The following COL4A5 variants were observed in gnomAD, a reference collection of about 807,000 sequenced individuals.
COL4A5 encodes collagen alpha-5(IV) chain.
Under a neutral mutation model 130.2 loss-of-function variants are expected in COL4A5, and 26 were observed. The ratio of observed to expected loss-of-function variants is 0.20; its 90% CI spans 0.15 to 0.28. The LOEUF (loss-of-function observed/expected upper bound fraction) is 0.28, where lower values mean the gene tolerates loss of function less well. Among genes scored for constraint, COL4A5 ranks in the 10% least tolerant of loss-of-function variants. The pLI is 1.00. For missense variants in COL4A5, 1,131 were observed against 1,344.3 expected, an observed-to-expected ratio of 0.84 and a Z score of 2.48; for synonymous variants, 496 against 439.6, an observed-to-expected ratio of 1.13 and a Z score of -1.60.
At chrX:108,516,900 C>T (rs924072537) in intron 1 of COL4A5, among the ~76,000 whole-genome samples, 3 of 111,414 alleles carry the variant, frequency 2.7e-5, no homozygotes, top group African/African-American at 6.5e-5. Context: ...TGTTAGCCTA[C>T]GGTGCTATTC....
chrX:108,555,750 G>A (rs1415182586), intron 2 of COL4A5, among the ~76,000 whole-genome samples: 1 of 111,477 alleles, frequency 9.0e-6, no homozygotes, highest in South Asian at 3.7e-4. Flanking sequence ...TCCTGAAGAT[G>A]GTAACACTTT....
chrX:108,609,845 T>G (rs750194359), intron 29 of COL4A5, among the ~76,000 whole-genome samples: 1 of 111,030 alleles, frequency 9.0e-6, no homozygotes, highest in East Asian at 2.8e-4. Flanking sequence ...GATCTACTTC[T>G]GTGCTGTCAA....
At chrX:108,647,458 T>G (rs1403405778) in intron 36 of COL4A5, among the ~76,000 whole-genome samples, 2 of 111,826 alleles carry the variant, frequency 1.8e-5, no homozygotes, top group Non-Finnish European at 3.8e-5. Flanking sequence ...CTGAAGTTGC[T>G]TATCAGCTTA....
chrX:108,575,202 A>G (rs1047609523), intron 9 of COL4A5, among the ~76,000 whole-genome samples: 3 of 111,770 alleles, frequency 2.7e-5, no homozygotes, highest in Non-Finnish European at 1.9e-5. Flanking sequence ...TAACACTTGT[A>G]TCATTCTCTT....
At chrX:108,530,143 T>C (rs994458069) in intron 1 of COL4A5, among the ~76,000 whole-genome samples, 1 of 111,630 alleles carries the variant, frequency 9.0e-6, no homozygotes, top group East Asian at 2.8e-4. Context: ...GGATAGATCA[T>C]GTGTTAGGTC....
At chrX:108,541,084 T>G (rs953381626) in intron 2 of COL4A5, among the ~76,000 whole-genome samples, 4 of 112,030 alleles carry the variant, frequency 3.6e-5, no homozygotes, top group Non-Finnish European at 7.5e-5. Context: ...TTCTTAAAAG[T>G]TCTGGAGCAA....
chrX:108,543,266 C>CAT (rs2147669633), intron 2 of COL4A5, among the ~76,000 whole-genome samples: 2 of 111,440 alleles, frequency 1.8e-5, no homozygotes, highest in Admixed American at 1.9e-4. Context: ...CTTTCATCTG[C>CAT]CTTGAATAAA....
At position 108,586,718 on chromosome X, in the gene COL4A5, A is replaced by C. The variant is rs2066342831; in HGVS notation, c.1136A>C (p.Gln379Pro). ...GGAGAGCGAGGATTTCCTGGAATACAGGGTCCACCTGGCCTTCCTGGACCT... is the reference window on the plus strand; with the variant it reads ...GGAGAGCGAGGATTTCCTGGAATACCGGGTCCACCTGGCCTTCCTGGACCT... ...EKGERGFPGI[Q>P]GPPGLPGPPG... The change falls in exon 19 of 53, where the codon CAG becomes CCG. Residue 379 changes from glutamine to proline, a missense_variant. Transcript: ENST00000328300. 1.7e-6 allele frequency: 2 copies of C among 1,208,255 alleles called. No homozygotes were observed. The highest frequency in any genetic ancestry group is 4.4e-5 in the Admixed American group (2 of 45,602).
At chrX:108,678,159 G>A (rs1209696687) in intron 44 of COL4A5, among the ~76,000 whole-genome samples, 1 of 105,167 alleles carries the variant, frequency 9.5e-6, no homozygotes, top group Non-Finnish European at 1.9e-5. Context: ...GAGTGACCCA[G>A]AGCAGAGAGT....
rs1180353908 is a variant in COL4A5, at chrX:108,539,811, G to T, written c.141+6G>T. The T allele has an allele frequency of 8.4e-7, 1 of 1,193,596 alleles. No individual in the cohort carries two copies. Among genetic ancestry groups the T allele is most frequent in the Non-Finnish European group, 1.1e-6 (1 of 879,309 alleles). ...GTGGCATAAAAGGGGAAAAGGTGAGGTCTTAGATTGGCATTTGAAAATTTA... is the reference window on the plus strand; with the variant it reads ...GTGGCATAAAAGGGGAAAAGGTGAGTTCTTAGATTGGCATTTGAAAATTTA... On this transcript the variant is annotated splice_donor_region_variant and intron_variant, in intron 2 of 52. Transcript: ENST00000328300.
chrX:108,673,806 C>T (rs766030446), intron 42 of COL4A5, among the ~76,000 whole-genome samples: 1 of 108,619 alleles, frequency 9.2e-6, no homozygotes, highest in Non-Finnish European at 1.9e-5. Context: ...CTTTGGGAGG[C>T]CGAGGTGGGT....
intron 2 of COL4A5, among the ~76,000 whole-genome samples, chrX:108,547,061 C>G (rs1374208606): frequency 1.8e-5 from 2 of 111,998 alleles, no homozygotes; most frequent in Admixed American, 1.9e-4. Flanking sequence ...CGAACTTCCT[C>G]CTTTAGCTCA....
intron 24 of COL4A5, 101 bp downstream of exon 24, chrX:108,597,669 C>CCAAT (rs1293728748): frequency 4.1e-6 from 3 of 729,390 alleles, no homozygotes; most frequent in African/African-American, 4.2e-5. Context: ...AGATAAACAC[C>CCAAT]CAATCAATGC....
At chrX:108,630,765 C>G (rs912908905) in intron 36 of COL4A5, among the ~76,000 whole-genome samples, 1 of 112,008 alleles carries the variant, frequency 8.9e-6, no homozygotes, top group Non-Finnish European at 1.9e-5. Context: ...CCTAAGTTTT[C>G]TTCTAGGGTT....
chrX:108,565,138 G>A (rs1430922213), intron 4 of COL4A5, among the ~76,000 whole-genome samples: 2 of 111,349 alleles, frequency 1.8e-5, no homozygotes, highest in African/African-American at 6.5e-5. Flanking sequence ...TTCCATTGCA[G>A]GTGTTTGAGA....
rs1366500391 is a variant in COL4A5, at chrX:108,668,343, C to T, written c.3629C>T (p.Pro1210Leu). 2 of 1,211,030 alleles carry T rather than the reference C, an allele frequency of 1.7e-6. No individual in the cohort carries two copies. Among genetic ancestry groups the T allele is most frequent in the Non-Finnish European group, 2.2e-6 (2 of 895,175 alleles). ...GGCCAAAAGGGTGATGGAGGATTAC[C>T]TGGGATTCCAGGAAATCCTGGCCTT... Reference protein sequence around the residue: ...LSGQKGDGGLPGIPGNPGLPG... With the variant: ...LSGQKGDGGLLGIPGNPGLPG... Residue 1210 changes from proline (P) to leucine (L), a missense_variant, in exon 41 of 53, where the codon CCT (proline) becomes CTT (leucine). Transcript: ENST00000328300.
chrX:108,476,805 C>G, intron 1 of COL4A5, among the ~76,000 whole-genome samples: 1 of 111,749 alleles, frequency 8.9e-6, no homozygotes, highest in East Asian at 2.8e-4. Flanking sequence ...TGTATATATA[C>G]CACATTTTCT....
chrX:108,466,541 T>A (rs2147499937), intron 1 of COL4A5, among the ~76,000 whole-genome samples: 1 of 112,376 alleles, frequency 8.9e-6, no homozygotes, highest in Non-Finnish European at 1.9e-5. Flanking sequence ...ATTTTTCAAG[T>A]GCTTGTTGGC....
chrX:108,644,692 G>A (rs2067537729), intron 36 of COL4A5, among the ~76,000 whole-genome samples: 1 of 111,262 alleles, frequency 9.0e-6, no homozygotes, highest in African/African-American at 3.3e-5. Context: ...CTGAGGTCAG[G>A]AGTTTGAGAC....
Sources: gnomAD v4.1 joint callset for allele counts (sites outside exome capture counted in the v4.1 genomes callset) on GRCh38, gnomAD v4.1.1 for gene constraint, MANE v1.5 for transcripts, NCBI Gene and HGNC (gene_info 2026-07-23, HGNC 2026-07-21) for gene names.